The following MRPL48 variants were observed in gnomAD, a reference collection of about 807,000 sequenced individuals.
The protein encoded by MRPL48 is mitochondrial ribosomal protein L48.
MRPL48 carries 16 observed loss-of-function variants against 32.9 expected under a neutral mutation model. That is an observed-to-expected ratio of 0.49 (90% CI 0.33 to 0.74). The LOEUF (loss-of-function observed/expected upper bound fraction) is 0.74, where lower values mean the gene tolerates loss of function less well. Among genes scored for constraint, MRPL48 ranks in the 30% least tolerant of loss-of-function variants. MRPL48 has a pLI of 0.02. For missense variants in MRPL48, 206 were observed against 245.3 expected, an observed-to-expected ratio of 0.84 and a Z score of 1.07; for synonymous variants, 94 against 89.2, an observed-to-expected ratio of 1.05 and a Z score of -0.31.
intron 5 of MRPL48, among the ~76,000 whole-genome samples, chr11:73,846,040 C>T (rs1219090845): frequency 4.1e-5 from 5 of 123,280 alleles, no homozygotes; most frequent in South Asian, 5.5e-4. Flanking sequence ...TGCACTCCAG[C>T]GTGGGCAACA....
At chr11:73,790,574 C>T (rs1163588597) in intron 1 of MRPL48, among the ~76,000 whole-genome samples, 6 of 151,286 alleles carry the variant, frequency 4.0e-5, no homozygotes, top group Non-Finnish European at 8.8e-5. Context: ...TTAGTAGAGA[C>T]GGGGTTTCAC....
chr11:73,846,067 CA>C (rs749259766), intron 5 of MRPL48, among the ~76,000 whole-genome samples: 1,920 of 57,800 alleles, frequency 0.033, 10 homozygotes, highest in African/African-American at 0.061. Context: ...GACCCTGTCT[CA>C]AAAAAAAAAA....
intron 1 of MRPL48, 57 bp downstream of exon 1, chr11:73,788,049 G>A (rs1408650651): frequency 6.2e-7 from 1 of 1,602,840 alleles, no homozygotes; most frequent in East Asian, 2.3e-5. Context: ...TGCAGAGAGG[G>A]GAGATGGCGG....
intron 1 of MRPL48, among the ~76,000 whole-genome samples, chr11:73,795,078 A>AT (rs1161177251): frequency 1.3e-5 from 2 of 150,794 alleles, no homozygotes; most frequent in Admixed American, 1.3e-4. Context: ...CACCCAGCTA[A>AT]TTTTTTTGTA....
In MRPL48 at chr11:73,830,488, G is replaced by A. The variant is rs576784323; in HGVS notation, c.201+4692G>A. On this transcript the variant is annotated intron_variant, in intron 4 of 7. Transcript: ENST00000310614. ...CCACCTTACAGAGGCTCTGTCCTGA[G>A]TTCCTGTCTCTTATCCCTCTGGGGA... 1.6e-4 allele frequency among the ~76,000 whole-genome samples: 24 copies of A among 152,304 alleles called. No individual in the cohort carries two copies. The South Asian group carries it at 4.6e-3, about 29-fold the overall frequency.
At chr11:73,855,130 ATTCCTAC>A (rs1948463870) in intron 5 of MRPL48, among the ~76,000 whole-genome samples, 1 of 152,164 alleles carries the variant, frequency 6.6e-6, no homozygotes, top group Admixed American at 6.5e-5. Context: ...AGCTTGCCCT[ATTCCTAC>A]ACCTAATAAG....
intron 4 of MRPL48, among the ~76,000 whole-genome samples, chr11:73,826,607 T>C (rs897318366): frequency 4.6e-5 from 7 of 152,032 alleles, no homozygotes; most frequent in African/African-American, 1.4e-4. Flanking sequence ...ACCTCCCAAG[T>C]GGCAGGGATT....
intron 7 of MRPL48, 41 bp downstream of exon 7, chr11:73,863,302 A>G (rs1424396324): frequency 1.6e-5 from 23 of 1,468,798 alleles, no homozygotes; most frequent in Non-Finnish European, 2.1e-5. Flanking sequence ...TGGCCTGCAT[A>G]TGCTCAAAAT....
chr11:73,819,169 T>G (rs902438065), intron 3 of MRPL48, among the ~76,000 whole-genome samples: 10 of 152,308 alleles, frequency 6.6e-5, no homozygotes, highest in African/African-American at 2.4e-4. Context: ...AACCTTTCAT[T>G]TAAGGGGCAG....
chr11:73,840,822 A>C (rs540017355), intron 4 of MRPL48, among the ~76,000 whole-genome samples: 1 of 152,272 alleles, frequency 6.6e-6, no homozygotes, highest in East Asian at 1.9e-4. Flanking sequence ...CAAAAAAATA[A>C]AATAAAATAA....
intron 5 of MRPL48, 99 bp from the exon 6 acceptor site, chr11:73,859,808 C>A: frequency 1.0e-6 from 1 of 952,734 alleles, no homozygotes; most frequent in Admixed American, 2.3e-5. Flanking sequence ...ATTCCGGGAA[C>A]TATTGCATGC....
intron 4 of MRPL48, among the ~76,000 whole-genome samples, chr11:73,829,215 T>C (rs1947952646): frequency 6.6e-6 from 1 of 152,208 alleles, no homozygotes; most frequent in African/African-American, 2.4e-5. Context: ...TCTGTCTACT[T>C]GGAAGACCTC....
At chr11:73,822,011 T>C (rs1249578607) in intron 3 of MRPL48, among the ~76,000 whole-genome samples, 2 of 152,154 alleles carry the variant, frequency 1.3e-5, no homozygotes, top group Non-Finnish European at 2.9e-5. Flanking sequence ...GGTCCTGGCC[T>C]GAGGATCACT....
At chr11:73,823,757 A>G (rs1464915014) in intron 3 of MRPL48, among the ~76,000 whole-genome samples, 1 of 150,358 alleles carries the variant, frequency 6.7e-6, no homozygotes, top group African/African-American at 2.5e-5. Context: ...TCCTAGTCTC[A>G]AGCAATCCTC....
intron 4 of MRPL48, among the ~76,000 whole-genome samples, chr11:73,834,612 C>T (rs905044906): frequency 6.6e-6 from 1 of 151,206 alleles, no homozygotes; most frequent in Admixed American, 6.6e-5. Context: ...CGGCTCACTG[C>T]AACCTCCGCC....
At chr11:73,794,042 C>T (rs2134930237) in intron 1 of MRPL48, among the ~76,000 whole-genome samples, 1 of 151,324 alleles carries the variant, frequency 6.6e-6, no homozygotes, top group African/African-American at 2.4e-5. Context: ...CAAAAATTAG[C>T]CAGGTGTGGT....
chr11:73,830,750 G>A (rs971492199), intron 4 of MRPL48, among the ~76,000 whole-genome samples: 1 of 152,044 alleles, frequency 6.6e-6, no homozygotes, highest in African/African-American at 2.4e-5. Flanking sequence ...CCTTCGAAAG[G>A]TCCCACACTC....
At chr11:73,807,430 C>T (rs1007368913) in intron 2 of MRPL48, among the ~76,000 whole-genome samples, 3 of 151,150 alleles carry the variant, frequency 2.0e-5, no homozygotes, top group African/African-American at 7.3e-5. Context: ...TATCCCGTTC[C>T]ATCTTAATCT....
At chr11:73,792,377 C>T (rs1333684319) in intron 1 of MRPL48, among the ~76,000 whole-genome samples, 3 of 152,100 alleles carry the variant, frequency 2.0e-5, no homozygotes, top group Admixed American at 1.3e-4. Flanking sequence ...ATACCTTACC[C>T]CTGAACCACA....
Sources: allele counts gnomAD v4.1 joint callset (sites outside exome capture counted in the v4.1 genomes callset), GRCh38; gene constraint gnomAD v4.1.1; transcripts MANE v1.5; gene names NCBI Gene and HGNC (gene_info 2026-07-23, HGNC 2026-07-21).